Variants in ERCC2 observed in about 807,000 individuals in gnomAD.
ERCC2 encodes the protein general transcription and DNA repair factor IIH helicase subunit XPD.
ERCC2 carries 90 observed loss-of-function variants against 99.4 expected under a neutral mutation model. The observed-to-expected ratio is 0.91, with a 90% confidence interval of 0.76 to 1.08. The LOEUF (loss-of-function observed/expected upper bound fraction) is 1.08. Among genes scored for constraint, ERCC2 ranks in the 50% least tolerant of loss-of-function variants. The pLI is 0.00. For synonymous variants in ERCC2, 497 were observed against 432.4 expected, an observed-to-expected ratio of 1.15 and a Z score of -1.85; for missense variants, 993 against 1,038.1, an observed-to-expected ratio of 0.96 and a Z score of 0.60.
chr19:45,361,269 G>A (rs1258324414), intron 12 of ERCC2, among the ~76,000 whole-genome samples: 4 of 151,912 alleles, frequency 2.6e-5, no homozygotes, highest in Non-Finnish European at 5.9e-5. Context: ...GAATTTCTCT[G>A]GCCTCCTCCC....
intron 15 of ERCC2, among the ~76,000 whole-genome samples, chr19:45,356,870 T>A (rs1972030153): frequency 6.6e-6 from 1 of 152,168 alleles, no homozygotes; most frequent in South Asian, 2.1e-4. Context: ...AGGGCTCATG[T>A]TGACATGCAC....
In ERCC2 at chr19:45,370,238, G is replaced by T. The variant is rs761215265; in HGVS notation, c.6-6C>A. 1 of 1,613,098 alleles carries T rather than the reference G, an allele frequency of 6.2e-7. No homozygotes were observed. Among genetic ancestry groups the T allele is most frequent in the South Asian group, 1.1e-5 (1 of 91,018 alleles). On this transcript the variant is annotated splice_polypyrimidine_tract_variant and splice_region_variant and intron_variant, in intron 1 of 22. Transcript: ENST00000391945. ...GGAGCCCGTCCACGTTGAGCCTGGCGGCAGGGGCTGCTGGGTCAGTTCCCG... is the reference window on the plus strand; with the variant it reads ...GGAGCCCGTCCACGTTGAGCCTGGCTGCAGGGGCTGCTGGGTCAGTTCCCG...
chr19:45,357,714 C>T lies in ERCC2; in HGVS notation c.1238-15G>A, dbSNP rs1157926881. 1.9e-6 allele frequency: 3 copies of T among 1,612,400 alleles called. No individual in the cohort carries two copies. Among genetic ancestry groups the T allele is most frequent in the Admixed American group, 3.3e-5 (2 of 59,976 alleles). On this transcript the variant is annotated splice_polypyrimidine_tract_variant and intron_variant, in intron 12 of 22. Transcript: ENST00000391945. ...GATGGTGAAGCCTGCAGAGGGCAGG[C>T]AAGGAGGGGTGAGATTACCCCACTA... is the stretch of plus-strand genomic sequence containing the variant.
intron 5 of ERCC2, among the ~76,000 whole-genome samples, chr19:45,367,317 A>T (rs1330151887): frequency 1.3e-5 from 2 of 151,996 alleles, no homozygotes; most frequent in Non-Finnish European, 2.9e-5. Context: ...GCTGGGTGAC[A>T]GAGTGAGACT....
intron 4 of ERCC2, 86 bp from the exon 5 acceptor site, chr19:45,368,829 C>A: frequency 1.3e-6 from 2 of 1,564,144 alleles, no homozygotes; most frequent in Non-Finnish European, 1.8e-6. Context: ...TCTTCCCCAG[C>A]TTCCCAAACA....
intron 7 of ERCC2, 84 bp downstream of exon 7, chr19:45,364,754 C>T: frequency 7.7e-7 from 1 of 1,290,976 alleles, no homozygotes; most frequent in Non-Finnish European, 1.1e-6. Context: ...CAGCAAGCAA[C>T]AGACAGACAT....
chr19:45,369,669 T>C (rs1353341256), intron 2 of ERCC2, among the ~76,000 whole-genome samples: 11 of 152,260 alleles, frequency 7.2e-5, no homozygotes, highest in Admixed American at 3.9e-4. Flanking sequence ...AGCTGATATA[T>C]AGTGAACTTT....
At chr19:45,370,332 C>T in intron 1 of ERCC2, 100 bp from the exon 2 acceptor site, 1 of 1,546,476 alleles carries the variant, frequency 6.5e-7, no homozygotes, top group Non-Finnish European at 8.8e-7. Context: ...ACGGGCCCGG[C>T]GCCCCCGGTA....
chr19:45,353,225 T>C lies in ERCC2; in HGVS notation c.1758+17A>G. 1 of 1,612,054 alleles carries C rather than the reference T, an allele frequency of 6.2e-7. No individual in the cohort carries two copies. ...CCACCTCCCCGACCCCTCTCCACGC[T>C]GGCCTCGCACACCCACCTCCTGGTA... On this transcript the variant is annotated intron_variant, in intron 18 of 22. Coordinates refer to ENST00000391945, the MANE Select transcript of ERCC2 (RefSeq NM_000400.4).
At chr19:45,368,537 A>C in intron 5 of ERCC2, 93 bp downstream of exon 5, 180 of 830,112 alleles carry the variant, frequency 2.2e-4, no homozygotes, top group Middle Eastern at 6.6e-4. Context: ...TGCCTTTGCA[A>C]GAGATATGGC....
chr19:45,354,663 G>A (rs1971950285), intron 17 of ERCC2, 67 bp downstream of exon 17: 6 of 1,598,388 alleles, frequency 3.8e-6, no homozygotes, highest in African/African-American at 2.7e-5. Flanking sequence ...GAGGAATGAA[G>A]CTGACATAGC....
intron 22 of ERCC2, 112 bp downstream of exon 22, chr19:45,352,097 T>C: frequency 7.9e-7 from 1 of 1,259,106 alleles, no homozygotes; most frequent in Non-Finnish European, 1.1e-6. Flanking sequence ...TTCTCTTTGC[T>C]GAGGGCAGGA....
rs745939392 is a variant in ERCC2 at position 45,370,137 on chromosome 19, G to A, written c.101C>T (p.Ala34Val). Residue 34 changes from alanine (A) to valine (V), a missense_variant, in exon 2 of 23, where the codon GCC (alanine) becomes GTC (valine). Transcript: ENST00000391945. ...TCGGGCCCACCGGCCACCCACCTTG[G>A]CGTCCAGCGTGCGTTTGAGCTCCCG... ...YMRELKRTLD[A>V]KGHGVLEMPS... The A allele has an allele frequency of 2.5e-6, 4 of 1,612,876 alleles. No individual in the cohort carries two copies. In the African/African-American group the frequency reaches 4.0e-5, roughly 16 times the overall value.
In ERCC2 at chr19:45,352,763, G is replaced by A; in HGVS notation, c.1885C>T (p.Gln629Ter). Residue 629 changes from glutamine to a stop codon, truncating the protein, a stop_gained, in exon 20 of 23, where the codon CAG becomes TAG. Transcript: ENST00000391945. LOFTEE classifies it high-confidence loss of function. ...CTACTCACCTTGAGAATGCGGCTCT[G>A]TGTGTAGACGTAGGGGACGCCAAAC... ...IMFGVPYVYT[Q>*]SRILKARLEY... 6.2e-7 allele frequency: 1 copy of A among 1,613,972 alleles called. No homozygotes were observed. Among genetic ancestry groups the A allele is most frequent in the Non-Finnish European group, 8.5e-7 (1 of 1,179,920 alleles).
Position 45,363,818 on chromosome 19 carries a change from T to TG in ERCC2, c.1042dup (p.His348ProfsTer30). 6.5e-7 allele frequency: 1 copy of TG among 1,541,382 alleles called. No individual in the cohort carries two copies. The highest frequency in any genetic ancestry group is 8.7e-7 in the Non-Finnish European group (1 of 1,149,906). On this transcript the variant is annotated frameshift_variant, in exon 11 of 23. Coordinates refer to ENST00000391945, the MANE Select transcript of ERCC2 (RefSeq NM_000400.4). LOFTEE classifies it high-confidence loss of function. ...GGCGGGCGGGCTCTCCTGCACCACATGCTGCACACGCAGCCGCCACTTCAC... is the reference window on the plus strand; with the variant it reads ...GGCGGGCGGGCTCTCCTGCACCACATGGCTGCACACGCAGCCGCCACTTCAC...
chr19:45,357,992 C>T lies in ERCC2; in HGVS notation c.1238-293G>A. ...CTCTCCCAGCACCGCATGGGCTGCC[C>T]AGCACCCACGCCAAAGCCAGGAGCC... On this transcript the variant is annotated intron_variant, in intron 12 of 22. Transcript: ENST00000391945. 9.6e-6 allele frequency: 5 copies of T among 518,420 alleles called. No individual in the cohort carries two copies. In the South Asian group the frequency reaches 1.0e-4, roughly 11 times the overall value. 32.1% of individuals were successfully genotyped at this position (518,420 alleles called of 1,614,324 possible).
chr19:45,360,913 A>G (rs185309380), intron 12 of ERCC2, among the ~76,000 whole-genome samples: 195 of 151,508 alleles, frequency 1.3e-3, no homozygotes, highest in Middle Eastern at 6.8e-3. Context: ...CCGGTGGATC[A>G]TGAGGTCAGG....
Position 45,349,992 on chromosome 19 carries a change from A to G in ERCC2, c.*1637T>C, listed in dbSNP as rs112903737. On this transcript the variant is annotated 3_prime_UTR_variant, in exon 23 of 23. Transcript: ENST00000391945. The stretch of plus-strand genomic sequence containing the variant: ...GGCACCGAGGCCATGCCACCAGCCC[A>G]AAGTACAGCAGACAGGCTCAGAAAC... 7.0e-5 allele frequency: 30 copies of G among 430,544 alleles called. 2 individuals carry two copies. The highest frequency in any genetic ancestry group is 4.5e-4 in the African/African-American group (23 of 50,648). The allele number at this position is 430,544 out of a possible 1,614,324, so 26.7% of individuals were successfully genotyped here.
chr19:45,350,448 T>TAGCCCC lies in ERCC2; in HGVS notation c.*1180_*1181insGGGGCT. 6.2e-7 allele frequency: 1 copy of TAGCCCC among 1,613,260 alleles called. No individual in the cohort carries two copies. The highest frequency in any genetic ancestry group is 8.5e-7 in the Non-Finnish European group (1 of 1,179,458). On this transcript the variant is annotated 3_prime_UTR_variant, in exon 23 of 23. Coordinates refer to ENST00000391945, the MANE Select transcript of ERCC2 (RefSeq NM_000400.4). ...CCCCTCTCGGTGAGCCCCTAGCCCCTGTCTGTCTTCCCTCCTGGTGGCTTC... is the reference window on the plus strand; with the variant it reads ...CCCCTCTCGGTGAGCCCCTAGCCCCTAGCCCCGTCTGTCTTCCCTCCTGGTGGCTTC...
Sources: allele counts gnomAD v4.1 joint callset (sites outside exome capture counted in the v4.1 genomes callset), GRCh38; gene constraint gnomAD v4.1.1; transcripts MANE v1.5; gene names NCBI Gene and HGNC (gene_info 2026-07-23, HGNC 2026-07-21).